The following CADM2 variants were observed in gnomAD, a reference collection of about 807,000 sequenced individuals.
The protein encoded by CADM2 is immunoglobulin superfamily member 4D.
CADM2 carries 12 observed loss-of-function variants against 49.8 expected under a neutral mutation model. The observed-to-expected ratio is 0.24, with a 90% CI of 0.15 to 0.39. CADM2 has a LOEUF of 0.39. CADM2 is among the 10% of genes least tolerant of loss of function. The pLI is 1.00. For synonymous variants in CADM2, 214 were observed against 175.4 expected (o/e 1.22, Z -1.74); for missense variants, 378 against 492.3 (o/e 0.77, Z 2.20).
chr3:85,383,283 T>A (rs2034005683), intron 1 of CADM2, among the ~76,000 whole-genome samples: 1 of 152,112 alleles, frequency 6.6e-6, no homozygotes, highest in African/African-American at 2.4e-5. Flanking sequence ...TTTTCTTGTT[T>A]GTTTTTTGTT....
Position 85,197,994 on chromosome 3 carries a change from G to T in CADM2, c.61+238326G>T, listed in dbSNP as rs116839394. Among the ~76,000 whole-genome samples the T allele has an allele frequency of 2.9e-3, 448 of 151,898 alleles. 6 individuals carry two copies. Among genetic ancestry groups the T allele is most frequent in the East Asian group, 5.6e-3 (29 of 5,162 alleles). On this transcript the variant is annotated intron_variant, in intron 1 of 9. Transcript: ENST00000383699. ...TAAATTCTCATCACTGCTTACTTCG[G>T]TTAATATTTCACTGATATCCTAGCT... is the stretch of plus-strand genomic sequence containing the variant.
At chr3:84,963,067 G>A (rs902993322) in intron 1 of CADM2, among the ~76,000 whole-genome samples, 1 of 152,100 alleles carries the variant, frequency 6.6e-6, no homozygotes, top group African/African-American at 2.4e-5. Flanking sequence ...AATAGATAGG[G>A]AATAAACATA....
At chr3:84,972,403 T>C (rs565205415) in intron 1 of CADM2, among the ~76,000 whole-genome samples, 33 of 152,368 alleles carry the variant, frequency 2.2e-4, no homozygotes, top group African/African-American at 7.9e-4. Context: ...ATTTTACATA[T>C]GTAAACAGAT....
chr3:86,051,554 T>C (rs748964877), intron 8 of CADM2, among the ~76,000 whole-genome samples: 3 of 152,174 alleles, frequency 2.0e-5, no homozygotes, highest in Non-Finnish European at 4.4e-5. Flanking sequence ...TAGTCTGTTA[T>C]AGCATTGCTA....
chr3:85,909,417 T>TATATATAA (rs1334746713), intron 5 of CADM2, among the ~76,000 whole-genome samples: 1 of 150,616 alleles, frequency 6.6e-6, no homozygotes, highest in Non-Finnish European at 1.5e-5. Flanking sequence ...TATATATATA[T>TATATATAA]ATAATGTCCA....
chr3:84,962,609 C>T (rs2030645301), intron 1 of CADM2, among the ~76,000 whole-genome samples: 2 of 152,130 alleles, frequency 1.3e-5, no homozygotes, highest in African/African-American at 4.8e-5. Flanking sequence ...GGCGGGGGAA[C>T]TAGTGAGCGA....
chr3:85,683,222 G>GA (rs11439176), intron 1 of CADM2, among the ~76,000 whole-genome samples: 33,172 of 151,480 alleles, frequency 0.22, 4,271 homozygotes, highest in Non-Finnish European at 0.29. Context: ...TCTCTTGAAG[G>GA]AAAAAAAAGG....
chr3:85,223,202 T>C (rs1206924135), intron 1 of CADM2, among the ~76,000 whole-genome samples: 1 of 151,832 alleles, frequency 6.6e-6, no homozygotes. Context: ...AATCATGCAG[T>C]TTTTTATCAA....
intron 1 of CADM2, among the ~76,000 whole-genome samples, chr3:85,322,593 GTAAA>G (rs1211701264): frequency 1.3e-5 from 2 of 152,276 alleles, no homozygotes; most frequent in Admixed American, 6.5e-5. Context: ...TGTTTAAAGT[GTAAA>G]TAAATAAATA....
chr3:85,501,352 C>G (rs1349448378), intron 1 of CADM2, among the ~76,000 whole-genome samples: 1 of 152,126 alleles, frequency 6.6e-6, no homozygotes, highest in Non-Finnish European at 1.5e-5. Context: ...GTGTAAATGC[C>G]TACCTGATGC....
intron 1 of CADM2, among the ~76,000 whole-genome samples, chr3:85,225,257 T>C (rs2042131672): frequency 6.6e-6 from 1 of 152,196 alleles, no homozygotes; most frequent in Non-Finnish European, 1.5e-5. Context: ...TCCGTTTGTA[T>C]GTCTCCTCTT....
At chr3:85,778,133 A>C (rs191799022) in intron 2 of CADM2, among the ~76,000 whole-genome samples, 60 of 152,262 alleles carry the variant, frequency 3.9e-4, no homozygotes, top group Admixed American at 1.3e-3. Context: ...TTTAGGGGGA[A>C]TAAAGATAAA....
intron 1 of CADM2, among the ~76,000 whole-genome samples, chr3:85,663,569 A>G (rs1328592130): frequency 6.6e-6 from 1 of 151,980 alleles, no homozygotes; most frequent in South Asian, 2.1e-4. Context: ...CTGTCTTGCT[A>G]TTACTAGCTG....
intron 1 of CADM2, among the ~76,000 whole-genome samples, chr3:85,563,411 T>TGAGG (rs138726875): frequency 7.0e-6 from 1 of 142,044 alleles, no homozygotes. Context: ...TGTGTGTGTG[T>TGAGG]GGGGGGGTGG....
At chr3:85,463,587 A>T (rs1366542250) in intron 1 of CADM2, among the ~76,000 whole-genome samples, 1 of 152,158 alleles carries the variant, frequency 6.6e-6, no homozygotes, top group African/African-American at 2.4e-5. Context: ...TATATTCAAA[A>T]TGTATATTAA....
chr3:85,676,683 T>C (rs2065894671), intron 1 of CADM2, among the ~76,000 whole-genome samples: 2 of 152,112 alleles, frequency 1.3e-5, no homozygotes, highest in Admixed American at 1.3e-4. Flanking sequence ...TTATAGCCTA[T>C]TCATTAAAAA....
intron 1 of CADM2, among the ~76,000 whole-genome samples, chr3:85,691,723 C>A (rs1577094549): frequency 6.6e-6 from 1 of 152,082 alleles, no homozygotes; most frequent in East Asian, 1.9e-4. Context: ...TTGGAACCAA[C>A]CCAAATGTCC....
intron 8 of CADM2, among the ~76,000 whole-genome samples, chr3:86,024,713 A>G (rs970711817): frequency 2.6e-5 from 4 of 152,168 alleles, no homozygotes; most frequent in Non-Finnish European, 4.4e-5. Flanking sequence ...TCTGCCATCA[A>G]GCATATTTAA....
At chr3:85,559,676 ACACAC>A (rs571715312) in intron 1 of CADM2, among the ~76,000 whole-genome samples, 31,261 of 127,408 alleles carry the variant, frequency 0.25, 3,826 homozygotes, top group East Asian at 0.43. Flanking sequence ...ACACACACAC[ACACAC>A]ACACACATAT....
Sources: allele counts gnomAD v4.1 joint callset (sites outside exome capture counted in the v4.1 genomes callset), GRCh38; gene constraint gnomAD v4.1.1; transcripts MANE v1.5; gene names NCBI Gene and HGNC (gene_info 2026-07-23, HGNC 2026-07-21).